SIK2: variants seen among roughly 807,000 people sequenced by gnomAD.
SIK2 encodes serine/threonine-protein kinase SIK2.
A neutral mutation model predicts 103.2 loss-of-function variants in SIK2; 29 were observed. The ratio of observed to expected loss-of-function variants is 0.28; its 90% confidence interval spans 0.21 to 0.38. SIK2 has a LOEUF of 0.38. Ranked by LOEUF, SIK2 falls within the 10% of genes least tolerant of loss-of-function variation. SIK2 has a pLI of 1.00. For synonymous variants in SIK2, 412 were observed against 446.1 expected, an observed-to-expected ratio of 0.92 and a Z score of 0.96; for missense variants, 879 against 1,171.0, an observed-to-expected ratio of 0.75 and a Z score of 3.64.
intron 3 of SIK2, chr11:111,671,696 C>T (rs1591609543): frequency 5.1e-6 from 2 of 393,396 alleles, no homozygotes; most frequent in African/African-American, 4.2e-5. Flanking sequence ...TCCTGGATCT[C>T]CTTCATACAG....
In SIK2 at chr11:111,705,856, GGA is replaced by G. The variant is rs1227705636; in HGVS notation, c.1101+723_1101+724del. 1.3e-5 allele frequency among the ~76,000 whole-genome samples: 2 copies of G among 152,304 alleles called. No individual in the cohort carries two copies. Among genetic ancestry groups the G allele is most frequent in the East Asian group, 3.9e-4 (2 of 5,188 alleles). On this transcript the variant is annotated intron_variant, in intron 8 of 14. Coordinates refer to ENST00000304987, the MANE Select transcript of SIK2 (RefSeq NM_015191.3). The surrounding 1 kb of genome is among the most constrained non-coding windows in gnomAD (Gnocchi z 4.3). ...GTCAGATAGAGAAAAGAAGAAATTT[GGA>G]GAGAGCAGTTAGGAGAGTGTTACAG...
chr11:111,635,374 AGAAGG>A (rs1455195588), intron 3 of SIK2, among the ~76,000 whole-genome samples: 15 of 146,790 alleles, frequency 1.0e-4, no homozygotes, highest in Non-Finnish European at 2.1e-4. Flanking sequence ...AAAAGAGAAG[AGAAGG>A]GAAGGGAGGG....
chr11:111,611,595 A>G (rs75643201), intron 1 of SIK2, among the ~76,000 whole-genome samples: 58 of 152,294 alleles, frequency 3.8e-4, no homozygotes, highest in African/African-American at 1.3e-3. Flanking sequence ...GATAGTAATC[A>G]TTCTAGTTTG....
chr11:111,623,996 G>C (rs1430211042), intron 3 of SIK2, among the ~76,000 whole-genome samples: 1 of 152,140 alleles, frequency 6.6e-6, no homozygotes, highest in African/African-American at 2.4e-5. Context: ...CTGTTGCTCA[G>C]GGTTCACTTT....
intron 1 of SIK2, among the ~76,000 whole-genome samples, chr11:111,605,120 G>A (rs1309431243): frequency 6.6e-6 from 1 of 152,044 alleles, no homozygotes; most frequent in African/African-American, 2.4e-5. Flanking sequence ...TCACCACCAT[G>A]CCCGGCTAAT....
intron 1 of SIK2, among the ~76,000 whole-genome samples, chr11:111,614,393 C>T (rs934834228): frequency 6.6e-6 from 1 of 151,956 alleles, no homozygotes; most frequent in Non-Finnish European, 1.5e-5. Flanking sequence ...CTGACTCCCC[C>T]AAAATTTAAC....
intron 3 of SIK2, among the ~76,000 whole-genome samples, chr11:111,631,884 T>C (rs891056175): frequency 5.3e-5 from 8 of 152,200 alleles, no homozygotes; most frequent in Non-Finnish European, 7.3e-5. Context: ...GGTGGCATGC[T>C]GGGAATGCAT....
At position 111,705,143 on chromosome 11, in the gene SIK2, A is replaced by C; in HGVS notation, c.1101+4A>C. On this transcript the variant is annotated splice_donor_region_variant and intron_variant, in intron 8 of 14. Transcript: ENST00000304987. The surrounding 1 kb of genome is among the most constrained non-coding windows in gnomAD (Gnocchi z 4.3). ...TGCTGAGCAAACAGTTGCCAAGGTAATGCCCCCTTAGCTGAGAGTCTTATC... is the reference window on the plus strand; with the variant it reads ...TGCTGAGCAAACAGTTGCCAAGGTACTGCCCCCTTAGCTGAGAGTCTTATC... 3.2e-6 allele frequency: 5 copies of C among 1,560,256 alleles called. No individual in the cohort carries two copies. Among genetic ancestry groups the C allele is most frequent in the Non-Finnish European group, 3.4e-6 (4 of 1,162,862 alleles).
At position 111,728,427 on chromosome 11, in the gene SIK2, T is replaced by A. The variant is rs1944050234; in HGVS notation, c.*4298T>A. 2 of 152,348 alleles carry A rather than the reference T, an allele frequency of 1.3e-5. No homozygotes were observed. Among genetic ancestry groups the A allele is most frequent in the Admixed American group, 1.3e-4 (2 of 15,282 alleles). The allele number at this position is 152,348 out of a possible 1,614,324, so 9.4% of individuals were successfully genotyped here. A position where few individuals can be genotyped will look rare whatever the true frequency, so the allele number is the denominator to read the frequency against. On this transcript the variant is annotated 3_prime_UTR_variant, in exon 15 of 15. Transcript: ENST00000304987. ...CCTCAGCCTCCCAAGTAGCTGGGAC[T>A]ACAGGTGTGTGCTACCGCATCCAGC...
rs1943890306 is a variant in SIK2, at chr11:111,724,023, C to T, written c.2675C>T (p.Pro892Leu). 1.2e-6 allele frequency: 2 copies of T among 1,614,212 alleles called. No individual in the cohort carries two copies. Among genetic ancestry groups the T allele is most frequent in the East Asian group, 2.2e-5 (1 of 44,894 alleles). ...AGAAGCCCAGGACTGCAAGAGGCCC[C>T]CTCCAGCTACGACCCACTAGCCCTC... ...CPRSPGLQEA[P>L]SSYDPLALSE... The change falls in exon 15 of 15, where the codon CCC becomes CTC. Residue 892 changes from proline to leucine, a missense_variant. Transcript: ENST00000304987.
chr11:111,631,899 G>A (rs189951458), intron 3 of SIK2, among the ~76,000 whole-genome samples: 3 of 152,128 alleles, frequency 2.0e-5, no homozygotes, highest in Non-Finnish European at 2.9e-5. Flanking sequence ...ATGCATCTAC[G>A]GTGTGTGATT....
intron 3 of SIK2, among the ~76,000 whole-genome samples, chr11:111,669,295 T>A (rs1942591750): frequency 1.3e-5 from 2 of 152,236 alleles, no homozygotes; most frequent in Non-Finnish European, 2.9e-5. Flanking sequence ...TCTAAGTGTC[T>A]GTCTCTCAGA....
intron 3 of SIK2, among the ~76,000 whole-genome samples, chr11:111,667,894 T>G (rs953145519): frequency 3.3e-5 from 5 of 152,204 alleles, no homozygotes; most frequent in African/African-American, 1.2e-4. Context: ...ATATTGAATT[T>G]GAGAGAAAGA....
chr11:111,661,999 A>G (rs573476880), intron 3 of SIK2, among the ~76,000 whole-genome samples: 5 of 152,294 alleles, frequency 3.3e-5, no homozygotes, highest in South Asian at 2.1e-4. Flanking sequence ...CTTTAATCCT[A>G]TATTTTCCAA....
chr11:111,696,045 A>G (rs1943063926), intron 4 of SIK2, among the ~76,000 whole-genome samples: 1 of 152,220 alleles, frequency 6.6e-6, no homozygotes, highest in Non-Finnish European at 1.5e-5. Flanking sequence ...TTAATTAAGT[A>G]AGAGACAGAG....
In SIK2 at chr11:111,724,069, T is replaced by C; in HGVS notation, c.2721T>C (p.Phe907=). 6.2e-7 allele frequency: 1 copy of C among 1,613,948 alleles called. No individual in the cohort carries two copies. Among genetic ancestry groups the C allele is most frequent in the African/African-American group, 1.3e-5 (1 of 75,058 alleles). ...CCCTCTCTGAGCTACCTGGACTCTT[T>C]GATTGTGAAATGCTAGACGCTGTGG... ...PLALSELPGL[F]DCEMLDAVDP... The change falls in exon 15 of 15, where the codon TTT becomes TTC. Residue 907 remains phenylalanine, a synonymous_variant. Coordinates refer to ENST00000304987, the MANE Select transcript of SIK2 (RefSeq NM_015191.3).
intron 3 of SIK2, among the ~76,000 whole-genome samples, chr11:111,683,621 T>C (rs1174151959): frequency 6.6e-6 from 1 of 151,888 alleles, no homozygotes; most frequent in African/African-American, 2.4e-5. Flanking sequence ...CTGACTAATT[T>C]TTGTATAGTT....
intron 8 of SIK2, among the ~76,000 whole-genome samples, chr11:111,711,468 G>A (rs1380926741): frequency 6.6e-6 from 1 of 152,196 alleles, no homozygotes; most frequent in Non-Finnish European, 1.5e-5. Flanking sequence ...TTTCCCTAGA[G>A]TAGTTAACAA....
In SIK2 at chr11:111,725,111, G is replaced by T. The variant is rs1307957206; in HGVS notation, c.*982G>T. ...TTTGGACAGTTTCATATAGGGCTTA[G>T]AGATTTTAAGGACATGATAAATGAA... is the stretch of plus-strand genomic sequence containing the variant. On this transcript the variant is annotated 3_prime_UTR_variant, in exon 15 of 15. Transcript: ENST00000304987. The T allele has an allele frequency of 6.5e-6, 1 of 152,672 alleles. No individual in the cohort carries two copies. The highest frequency in any genetic ancestry group is 6.5e-5 in the Admixed American group (1 of 15,290). The allele number at this position is 152,672 out of a possible 1,614,324, so 9.5% of individuals were successfully genotyped here.
Sources: allele counts gnomAD v4.1 joint callset (sites outside exome capture counted in the v4.1 genomes callset), GRCh38; gene constraint gnomAD v4.1.1; non-coding constraint Gnocchi (gnomAD v3.1); transcripts MANE v1.5; gene names NCBI Gene and HGNC (gene_info 2026-07-23, HGNC 2026-07-21).